Variants in FAM227B observed in about 807,000 individuals in gnomAD.
The protein encoded by FAM227B is protein FAM227B.
Under a neutral mutation model 73.8 loss-of-function variants are expected in FAM227B, and 88 were observed. The ratio of observed to expected loss-of-function variants is 1.19; its 90% confidence interval spans 1.00 to 1.42. The LOEUF (loss-of-function observed/expected upper bound fraction) is 1.42. FAM227B is among the 40% of genes most tolerant of loss of function. The pLI is 0.00. For missense variants in FAM227B, 632 were observed against 590.9 expected (o/e 1.07, Z -0.72); for synonymous variants, 210 against 190.5 (o/e 1.10, Z -0.84).
chr15:49,617,183 C>T (rs1017961807), intron 1 of FAM227B, among the ~76,000 whole-genome samples: 15 of 151,810 alleles, frequency 9.9e-5, no homozygotes, highest in African/African-American at 3.4e-4. Flanking sequence ...GGATAGAAAG[C>T]TAAAGATTAT....
intron 13 of FAM227B, chr15:49,353,399 G>A (rs183774409): frequency 1.3e-4 from 20 of 152,166 alleles, no homozygotes; most frequent in Admixed American, 3.9e-4. Context: ...ACAATTAGAG[G>A]AAATATCAAT....
Position 49,613,322 on chromosome 15 carries a change from G to A in FAM227B, c.51+1799C>T, listed in dbSNP as rs538640543. ...TTGAGGTCAACAGTACAAGAGACCA[G>A]CCTGGCCAACACGGTAAAACCCCAG... On this transcript the variant is annotated intron_variant, in intron 2 of 15. Coordinates refer to ENST00000299338, the MANE Select transcript of FAM227B (RefSeq NM_152647.3). Among the ~76,000 whole-genome samples the A allele has an allele frequency of 1.5e-3, 221 of 152,316 alleles. 1 individual carries two copies. Among genetic ancestry groups the A allele is most frequent in the African/African-American group, 5.2e-3 (215 of 41,578 alleles).
chr15:49,363,997 T>C (rs2044692962), intron 13 of FAM227B, among the ~76,000 whole-genome samples: 1 of 152,220 alleles, frequency 6.6e-6, no homozygotes, highest in African/African-American at 2.4e-5. Flanking sequence ...CTTTTTGACA[T>C]GCTGCTGGAT....
At chr15:49,424,082 T>C in intron 11 of FAM227B, 1 of 426,874 alleles carries the variant, frequency 2.3e-6, no homozygotes, top group South Asian at 6.6e-5. Flanking sequence ...ACGAACTGTT[T>C]TTATGAGGAT....
At position 49,371,394 on chromosome 15, in the gene FAM227B, C is replaced by G; in HGVS notation, c.1018G>C (p.Asp340His). The change falls in exon 12 of 16, where the codon GAC (aspartate) becomes CAC (histidine). Residue 340 changes from aspartate to histidine, a missense_variant. Transcript: ENST00000299338. The part of the protein sequence containing the change: ...DSQEHISTSI[D>H]FNIIKILNNP... ...TTCAGAATCTTTATAATATTGAAGTCGATACCTAAAACAGAAAATAAAATA... is the reference window on the plus strand; with the variant it reads ...TTCAGAATCTTTATAATATTGAAGTGGATACCTAAAACAGAAAATAAAATA... 6.5e-7 allele frequency: 1 copy of G among 1,535,442 alleles called. No individual in the cohort carries two copies. The highest frequency in any genetic ancestry group is 8.9e-7 in the Non-Finnish European group (1 of 1,128,748).
chr15:49,408,709 T>A (rs997629055), intron 11 of FAM227B, among the ~76,000 whole-genome samples: 2 of 152,228 alleles, frequency 1.3e-5, no homozygotes, highest in African/African-American at 4.8e-5. Flanking sequence ...TGTTCTGCTA[T>A]CATAGTCTTG....
At chr15:49,450,937 A>T (rs2052663085) in intron 11 of FAM227B, among the ~76,000 whole-genome samples, 1 of 152,148 alleles carries the variant, frequency 6.6e-6, no homozygotes, top group Non-Finnish European at 1.5e-5. Context: ...AGCTACAGCT[A>T]ATCAACTCCT....
At chr15:49,480,000 A>G (rs1260486791) in intron 11 of FAM227B, among the ~76,000 whole-genome samples, 1 of 152,200 alleles carries the variant, frequency 6.6e-6, no homozygotes, top group Non-Finnish European at 1.5e-5. Flanking sequence ...TGATAATGTT[A>G]ATTTCTTTAT....
chr15:49,412,543 C>T (rs992000544), intron 11 of FAM227B, among the ~76,000 whole-genome samples: 4 of 151,530 alleles, frequency 2.6e-5, no homozygotes, highest in South Asian at 2.1e-4. Context: ...GATTTGAACA[C>T]GAAGTACATT....
chr15:49,356,263 G>A (rs1414126700), intron 13 of FAM227B, among the ~76,000 whole-genome samples: 1 of 151,800 alleles, frequency 6.6e-6, no homozygotes, highest in Non-Finnish European at 1.5e-5. Flanking sequence ...TGGACTAAAT[G>A]CTCCAATTAA....
chr15:49,455,795 A>G (rs564751125), intron 11 of FAM227B, among the ~76,000 whole-genome samples: 1 of 152,264 alleles, frequency 6.6e-6, no homozygotes, highest in Admixed American at 6.5e-5. Context: ...GAAATTTTTC[A>G]GTTTGTCTCA....
intron 11 of FAM227B, among the ~76,000 whole-genome samples, chr15:49,381,569 T>C (rs1219974141): frequency 6.6e-6 from 1 of 152,210 alleles, no homozygotes; most frequent in Non-Finnish European, 1.5e-5. Flanking sequence ...CTTTACTTGC[T>C]TCAGTGATAT....
intron 9 of FAM227B, among the ~76,000 whole-genome samples, chr15:49,546,807 TG>T (rs1336254884): frequency 6.6e-6 from 1 of 152,162 alleles, no homozygotes; most frequent in Non-Finnish European, 1.5e-5. Flanking sequence ...TACGTCTGAT[TG>T]GTGTACCTGA....
intron 13 of FAM227B, among the ~76,000 whole-genome samples, chr15:49,350,986 A>G (rs1256191413): frequency 3.3e-5 from 5 of 152,184 alleles, no homozygotes. Context: ...CTGAGCACAT[A>G]TATGCTACAC....
At chr15:49,614,818 TTC>T (rs1238397204) in intron 2 of FAM227B, 10 of 307,868 alleles carry the variant, frequency 3.2e-5, no homozygotes, top group African/African-American at 1.7e-4. Context: ...ACTCCCTAAT[TTC>T]TGTTTTCCCA....
chr15:49,481,978 TA>T (rs994063524), intron 11 of FAM227B, among the ~76,000 whole-genome samples: 3 of 151,916 alleles, frequency 2.0e-5, no homozygotes, highest in African/African-American at 2.4e-5. Context: ...AAAAATGAAG[TA>T]AAAAAAATAA....
intron 3 of FAM227B, among the ~76,000 whole-genome samples, chr15:49,606,757 T>C (rs1316729730): frequency 2.0e-5 from 3 of 152,224 alleles, no homozygotes; most frequent in Non-Finnish European, 4.4e-5. Flanking sequence ...TGTGGAAGCC[T>C]GCCTTGTTTT....
intron 5 of FAM227B, among the ~76,000 whole-genome samples, chr15:49,586,821 A>G (rs983744513): frequency 6.6e-5 from 10 of 152,306 alleles, no homozygotes; most frequent in African/African-American, 2.2e-4. Flanking sequence ...CAAAACCGCA[A>G]TGAGATACCA....
chr15:49,529,832 G>C (rs2152220533), intron 10 of FAM227B, among the ~76,000 whole-genome samples: 1 of 151,760 alleles, frequency 6.6e-6, no homozygotes, highest in Non-Finnish European at 1.5e-5. Context: ...TTTGTAACTT[G>C]AAGATTGTTA....
Sources: allele counts gnomAD v4.1 joint callset (sites outside exome capture counted in the v4.1 genomes callset), GRCh38; gene constraint gnomAD v4.1.1; transcripts MANE v1.5; gene names NCBI Gene and HGNC (gene_info 2026-07-23, HGNC 2026-07-21).